Variants in TMEM132D observed in about 807,000 individuals in gnomAD.
TMEM132D encodes the protein mature OL transmembrane protein.
TMEM132D carries 21 observed loss-of-function variants against 62.3 expected under a neutral mutation model. The observed-to-expected ratio is 0.34, with a 90% CI of 0.24 to 0.49. The LOEUF is 0.49. Among genes scored for constraint, TMEM132D ranks in the 20% least tolerant of loss-of-function variants. TMEM132D has a pLI of 0.99. For missense variants in TMEM132D, 1,346 were observed against 1,402.8 expected, an observed-to-expected ratio of 0.96 and a Z score of 0.65; for synonymous variants, 621 against 575.6, an observed-to-expected ratio of 1.08 and a Z score of -1.13.
chr12:129,243,135 C>T (rs907122114), intron 4 of TMEM132D, among the ~76,000 whole-genome samples: 1 of 152,218 alleles, frequency 6.6e-6, no homozygotes, highest in Non-Finnish European at 1.5e-5. Flanking sequence ...CACACGTGTG[C>T]ACACACATAT....
intron 1 of TMEM132D, among the ~76,000 whole-genome samples, chr12:129,761,861 T>TTGTTTAATTCTCCTGACCA (rs1870391408): frequency 6.6e-6 from 1 of 152,102 alleles, no homozygotes; most frequent in African/African-American, 2.4e-5. Flanking sequence ...AGTCACCAGA[T>TTGTTTAATTCTCCTGACCA]TGTTTAATTC....
chr12:129,138,436 G>A lies in TMEM132D; in HGVS notation c.1444-53734C>T, dbSNP rs951348886. On this transcript the variant is annotated intron_variant, in intron 5 of 8. Transcript: ENST00000422113. ...AAAATATTGCAAGAAAGATGGCTAG[G>A]ACCAGGCATGGTGGCTCATGCCTGC... is the stretch of plus-strand genomic sequence containing the variant. Among the ~76,000 whole-genome samples, 3 of 152,122 alleles carry A rather than the reference G, an allele frequency of 2.0e-5. 1 individual carries two copies. The East Asian group carries it at 5.8e-4, about 29-fold the overall frequency.
chr12:129,658,930 T>A lies in TMEM132D; in HGVS notation c.968+40880A>T, dbSNP rs138278300. Among the ~76,000 whole-genome samples, 11 of 152,230 alleles carry A rather than the reference T, an allele frequency of 7.2e-5. No homozygotes were observed. The East Asian group carries it at 1.7e-3, about 24-fold the overall frequency. The stretch of plus-strand genomic sequence containing the variant: ...AGCAATGAGACCCCTGTCTGGGGTC[T>A]CACTCTGTCATCCAGGCTGGAGTGT... On this transcript the variant is annotated intron_variant, in intron 2 of 8. Coordinates refer to ENST00000422113, the MANE Select transcript of TMEM132D (RefSeq NM_133448.3).
At chr12:129,731,397 T>C (rs561635793) in intron 1 of TMEM132D, among the ~76,000 whole-genome samples, 1 of 151,488 alleles carries the variant, frequency 6.6e-6, no homozygotes, top group African/African-American at 2.4e-5. Flanking sequence ...GATAAGAGGG[T>C]ATGGGGGACA....
rs146661419 is a variant in TMEM132D, at chr12:129,371,745, A to G, written c.1116-33928T>C. 6.0e-3 allele frequency among the ~76,000 whole-genome samples: 911 copies of G among 152,274 alleles called. 35 individuals carry two copies. Among genetic ancestry groups the G allele is most frequent in the Admixed American group, 0.051 (781 of 15,296 alleles). ...GATGGGGTGTTTAGAACTGGAAAAC[A>G]TGGAAGTCTATACATAGCTTTACGT... On this transcript the variant is annotated intron_variant, in intron 3 of 8. Coordinates refer to ENST00000422113, the MANE Select transcript of TMEM132D (RefSeq NM_133448.3). This position sits in a 1 kb window ranked among gnomAD's most constrained non-coding sequence, Gnocchi z 4.3.
At chr12:129,466,409 T>TAA (rs1873906635) in intron 3 of TMEM132D, among the ~76,000 whole-genome samples, 1 of 146,148 alleles carries the variant, frequency 6.8e-6, no homozygotes, top group Non-Finnish European at 1.5e-5. Flanking sequence ...ACTCCTGGGC[T>TAA]AAAGCAATCC....
chr12:129,361,889 G>A (rs190445884), intron 3 of TMEM132D, among the ~76,000 whole-genome samples: 7 of 152,282 alleles, frequency 4.6e-5, no homozygotes, highest in South Asian at 4.1e-4. Context: ...TTCAAAACAC[G>A]CGATGTGCCT....
At chr12:129,344,981 C>T (rs547786806) in intron 3 of TMEM132D, among the ~76,000 whole-genome samples, 96 of 152,176 alleles carry the variant, frequency 6.3e-4, no homozygotes, top group African/African-American at 2.1e-3. Context: ...TTGAGAAGCA[C>T]AAGGATGGAA....
rs1017712830 is a variant in TMEM132D at position 129,510,515 on chromosome 12, T to C, written c.1115+20544A>G. On this transcript the variant is annotated intron_variant, in intron 3 of 8. Coordinates refer to ENST00000422113, the MANE Select transcript of TMEM132D (RefSeq NM_133448.3). The stretch of plus-strand genomic sequence containing the variant: ...TTGCTTTGGCGTGTGTGCTTGTGGG[T>C]TAGTACCTAAGAAATCTTTGCCCAG... Among the ~76,000 whole-genome samples the C allele has an allele frequency of 3.3e-5, 5 of 152,282 alleles. No individual in the cohort carries two copies. The East Asian group carries it at 9.6e-4, about 29-fold the overall frequency.
intron 3 of TMEM132D, among the ~76,000 whole-genome samples, chr12:129,344,805 C>T (rs762482243): frequency 6.6e-6 from 1 of 152,008 alleles, no homozygotes; most frequent in East Asian, 1.9e-4. Flanking sequence ...TCTTTTCCTA[C>T]GTGCCTCCCG....
At chr12:129,220,371 G>T (rs1255461516) in intron 4 of TMEM132D, among the ~76,000 whole-genome samples, 1 of 152,150 alleles carries the variant, frequency 6.6e-6, no homozygotes, top group Non-Finnish European at 1.5e-5. Flanking sequence ...TCTCACACAG[G>T]TGCATCCAGT....
At chr12:129,635,958 A>C (rs1023644397) in intron 2 of TMEM132D, among the ~76,000 whole-genome samples, 1 of 152,246 alleles carries the variant, frequency 6.6e-6, no homozygotes, top group Non-Finnish European at 1.5e-5. Flanking sequence ...GCTGAGGACA[A>C]TTACAGGGCA....
At chr12:129,526,403 G>T (rs4759962) in intron 3 of TMEM132D, among the ~76,000 whole-genome samples, 31,056 of 151,948 alleles carry the variant, frequency 0.2, 3,864 homozygotes, top group African/African-American at 0.33. Flanking sequence ...TCCTGCCTCA[G>T]CCTCCTGAGT....
rs1379936658 is a variant in TMEM132D, at chr12:129,081,871, A to G, written c.1811T>C (p.Val604Ala). 7 of 1,613,362 alleles carry G rather than the reference A, an allele frequency of 4.3e-6. No individual in the cohort carries two copies. Among genetic ancestry groups the G allele is most frequent in the Non-Finnish European group, 5.9e-6 (7 of 1,179,972 alleles). Residue 604 changes from valine (V) to alanine (A), a missense_variant, in exon 7 of 9, where the codon GTG (valine) becomes GCG (alanine). By Grantham distance (64) the Val-to-Ala change is moderately conservative (BLOSUM62 0). Transcript: ENST00000422113. ...LAHLLGSDWQ[V>A]DITELINDFM... is the part of the protein sequence containing the mutation. ...GTCATTTATCAGCTCCGTGATGTCCACTTGCCAGTCTGAGCCCAGCAGGTG... is the reference window on the plus strand; with the variant it reads ...GTCATTTATCAGCTCCGTGATGTCCGCTTGCCAGTCTGAGCCCAGCAGGTG...
intron 2 of TMEM132D, among the ~76,000 whole-genome samples, chr12:129,682,288 G>A (rs1880797074): frequency 6.6e-6 from 1 of 152,140 alleles, no homozygotes; most frequent in Non-Finnish European, 1.5e-5. Context: ...GTGTGCTCAA[G>A]GTTCACCTTA....
intron 3 of TMEM132D, among the ~76,000 whole-genome samples, chr12:129,444,717 T>C (rs530967493): frequency 2.0e-4 from 31 of 152,126 alleles, no homozygotes; most frequent in Non-Finnish European, 4.4e-4. Flanking sequence ...GCAGCCAACA[T>C]GCATATGAAA....
chr12:129,412,579 G>A (rs555123084), intron 3 of TMEM132D, among the ~76,000 whole-genome samples: 12 of 152,254 alleles, frequency 7.9e-5, no homozygotes, highest in Admixed American at 2.0e-4. Context: ...ATGAGGGGCC[G>A]GGTGCGGTGG....
chr12:129,117,359 T>C (rs374030817), intron 5 of TMEM132D, among the ~76,000 whole-genome samples: 45 of 152,248 alleles, frequency 3.0e-4, no homozygotes, highest in African/African-American at 9.9e-4. Context: ...GGTAAATGCA[T>C]GTCATTACGT....
chr12:129,517,708 C>A (rs971733615), intron 3 of TMEM132D, among the ~76,000 whole-genome samples: 1 of 152,216 alleles, frequency 6.6e-6, no homozygotes, highest in South Asian at 2.1e-4. Flanking sequence ...TCTCGTAAAT[C>A]CTGCCTGAGG....
Sources: allele counts gnomAD v4.1 joint callset (sites outside exome capture counted in the v4.1 genomes callset), GRCh38; gene constraint gnomAD v4.1.1; non-coding constraint Gnocchi (gnomAD v3.1); transcripts MANE v1.5; gene names NCBI Gene and HGNC (gene_info 2026-07-23, HGNC 2026-07-21).